The following CCDC73 variants were observed in gnomAD, a reference collection of about 807,000 sequenced individuals.
The protein encoded by CCDC73 is coiled-coil domain containing 73.
Under a neutral mutation model 116.5 loss-of-function variants are expected in CCDC73, and 95 were observed. The ratio of observed to expected loss-of-function variants is 0.82; its 90% confidence interval spans 0.69 to 0.97. The LOEUF (loss-of-function observed/expected upper bound fraction) is 0.97, where lower values mean the gene tolerates loss of function less well. CCDC73 is among the 50% of genes least tolerant of loss of function. The pLI is 0.00. For synonymous variants in CCDC73, 398 were observed against 401.3 expected (o/e 0.99, Z 0.10); for missense variants, 1,066 against 1,206.8 (o/e 0.88, Z 1.73).
At chr11:32,701,436 C>CA (rs1418318678) in intron 4 of CCDC73, among the ~76,000 whole-genome samples, 2 of 152,146 alleles carry the variant, frequency 1.3e-5, no homozygotes, top group African/African-American at 4.8e-5. Context: ...CATGGTAGTT[C>CA]ATGCCTGTAA....
At chr11:32,790,156 T>C (rs917208440) in intron 1 of CCDC73, among the ~76,000 whole-genome samples, 2 of 152,182 alleles carry the variant, frequency 1.3e-5, no homozygotes, top group African/African-American at 4.8e-5. Flanking sequence ...AGGGGGTCTT[T>C]TATGTTATGT....
chr11:32,813,312 C>T, the CCDC73 span, among the ~76,000 whole-genome samples: 1 of 152,138 alleles, frequency 6.6e-6, no homozygotes, highest in African/African-American at 2.4e-5. Flanking sequence ...TTGCTTTTCA[C>T]ATGAAGTCTC....
At chr11:32,737,786 C>CA (rs1171410040) in intron 2 of CCDC73, among the ~76,000 whole-genome samples, 2 of 151,306 alleles carry the variant, frequency 1.3e-5, no homozygotes, top group Admixed American at 6.6e-5. Flanking sequence ...AGATCTTATT[C>CA]AGTCTTATTT....
chr11:32,735,277 T>C (rs1297715040), intron 2 of CCDC73, among the ~76,000 whole-genome samples: 2 of 152,158 alleles, frequency 1.3e-5, no homozygotes, highest in Non-Finnish European at 2.9e-5. Context: ...AACCCCATCA[T>C]CTCAGCCCAA....
At chr11:32,821,591 G>A in the CCDC73 span, among the ~76,000 whole-genome samples, 8 of 152,150 alleles carry the variant, frequency 5.3e-5, no homozygotes, top group African/African-American at 1.4e-4. Flanking sequence ...CTGAAAAGGT[G>A]ATGCCACATG....
intron 3 of CCDC73, among the ~76,000 whole-genome samples, chr11:32,710,808 G>T (rs145006366): frequency 1.3e-5 from 2 of 152,058 alleles, no homozygotes; most frequent in African/African-American, 2.4e-5. Context: ...CTATTATTGT[G>T]TTGCCATCTA....
At chr11:32,771,291 T>C (rs1032780722) in intron 1 of CCDC73, among the ~76,000 whole-genome samples, 3 of 152,104 alleles carry the variant, frequency 2.0e-5, no homozygotes, top group African/African-American at 7.2e-5. Flanking sequence ...CCATGTTTTA[T>C]GGAAAAGGAA....
the CCDC73 span, among the ~76,000 whole-genome samples, chr11:32,827,966 C>T: frequency 6.6e-6 from 1 of 152,038 alleles, no homozygotes; most frequent in Admixed American, 6.5e-5. Flanking sequence ...TAGTCTGATC[C>T]CAATTGCTTG....
intron 1 of CCDC73, among the ~76,000 whole-genome samples, chr11:32,761,818 T>C (rs1044133039): frequency 1.3e-5 from 2 of 152,104 alleles, no homozygotes; most frequent in Non-Finnish European, 2.9e-5. Context: ...TACACAATTG[T>C]GGCGGCTGAC....
rs187895735 is a variant in CCDC73, at chr11:32,661,624, T to A, written c.646-6652A>T. 7.1e-3 allele frequency among the ~76,000 whole-genome samples: 1,080 copies of A among 152,034 alleles called. 16 individuals carry two copies. The highest frequency in any genetic ancestry group is 0.025 in the African/African-American group (1,041 of 41,440). On this transcript the variant is annotated intron_variant, in intron 9 of 17. Transcript: ENST00000335185. ...TTCATCCATGTCCCTACAAAGGACA[T>A]GAACTCATCCTTTTTTATGGCTGCA...
intron 14 of CCDC73, among the ~76,000 whole-genome samples, chr11:32,619,876 AG>A (rs1855508147): frequency 2.3e-5 from 1 of 43,230 alleles, no homozygotes; most frequent in African/African-American, 9.5e-5. Context: ...GAGAAGGAGG[AG>A]GGGGAGGGGA....
chr11:32,765,726 AT>A (rs1850434878), intron 1 of CCDC73, among the ~76,000 whole-genome samples: 1 of 152,368 alleles, frequency 6.6e-6, no homozygotes, highest in East Asian at 1.9e-4. Flanking sequence ...GAGCAAATGC[AT>A]TCAAAAGCCA....
At chr11:32,790,774 C>T (rs943647550) in intron 1 of CCDC73, among the ~76,000 whole-genome samples, 6 of 151,842 alleles carry the variant, frequency 4.0e-5, no homozygotes, top group Admixed American at 1.3e-4. Flanking sequence ...ATATTATCTC[C>T]GTAAAGATCA....
intron 17 of CCDC73, among the ~76,000 whole-genome samples, chr11:32,607,868 A>C (rs1420869204): frequency 6.6e-6 from 1 of 152,214 alleles, no homozygotes; most frequent in Non-Finnish European, 1.5e-5. Flanking sequence ...GAGGCCTCAT[A>C]ATCATGGCAG....
At chr11:32,622,813 G>T (rs1014824784) in intron 14 of CCDC73, among the ~76,000 whole-genome samples, 5 of 151,216 alleles carry the variant, frequency 3.3e-5, no homozygotes, top group Non-Finnish European at 5.9e-5. Flanking sequence ...TATTATAATA[G>T]TTATTATTCT....
At chr11:32,786,650 G>C (rs1458127284) in intron 1 of CCDC73, among the ~76,000 whole-genome samples, 1 of 150,172 alleles carries the variant, frequency 6.7e-6, no homozygotes, top group Non-Finnish European at 1.5e-5. Flanking sequence ...TTTTTCAAAA[G>C]TACATAATAA....
rs564537867 is a variant in CCDC73, at chr11:32,733,625, C to A, written c.136-15478G>T. On this transcript the variant is annotated intron_variant, in intron 2 of 17. Transcript: ENST00000335185. ...TCAGGATTAAGAATCTCACTCAAAA[C>A]TGCTCAACTACATGGAAACTGAACA... Among the ~76,000 whole-genome samples, 9 of 152,294 alleles carry A rather than the reference C, an allele frequency of 5.9e-5. No homozygotes were observed. The South Asian group carries it at 1.9e-3, about 32-fold the overall frequency.
intron 2 of CCDC73, among the ~76,000 whole-genome samples, chr11:32,726,736 T>C (rs1260955517): frequency 6.6e-6 from 1 of 152,146 alleles, no homozygotes; most frequent in Non-Finnish European, 1.5e-5. Flanking sequence ...TGCAATTATA[T>C]GGACTATATT....
chr11:32,710,086 G>A lies in CCDC73; in HGVS notation c.208-7142C>T, dbSNP rs368891368. 2.6e-5 allele frequency among the ~76,000 whole-genome samples: 4 copies of A among 152,042 alleles called. No homozygotes were observed. The East Asian group carries it at 5.8e-4, about 22-fold the overall frequency. Reference sequence around the variant, plus strand: ...ATTTCTAGTTGAGCTTATTTGGATCGTCTCTCTTTTCTTGGTTAATCTCAC... The same window carrying A: ...ATTTCTAGTTGAGCTTATTTGGATCATCTCTCTTTTCTTGGTTAATCTCAC... On this transcript the variant is annotated intron_variant, in intron 3 of 17. Transcript: ENST00000335185.
Sources: gnomAD v4.1 joint callset for allele counts (sites outside exome capture counted in the v4.1 genomes callset) on GRCh38, gnomAD v4.1.1 for gene constraint, MANE v1.5 for transcripts, NCBI Gene and HGNC (gene_info 2026-07-23, HGNC 2026-07-21) for gene names.